The following LOC122539214 variants were observed in gnomAD, a reference collection of about 807,000 sequenced individuals.
the LOC122539214 span, among the ~76,000 whole-genome samples, chr19:52,682,541 C>T: frequency 2.6e-5 from 4 of 152,026 alleles, no homozygotes; most frequent in African/African-American, 9.7e-5. Context: ...CATGGCAGTG[C>T]ATACCTGTAG....
the LOC122539214 span, among the ~76,000 whole-genome samples, chr19:52,673,657 G>GT: frequency 3.9e-5 from 6 of 152,112 alleles, no homozygotes; most frequent in East Asian, 7.7e-4. Flanking sequence ...TTTGTTTTTT[G>GT]TTTTTTCTGG....
the LOC122539214 span, among the ~76,000 whole-genome samples, chr19:52,667,047 T>A: frequency 6.6e-6 from 1 of 152,084 alleles, no homozygotes; most frequent in African/African-American, 2.4e-5. Context: ...CTGAACAAGG[T>A]CTTATTAATA....
the LOC122539214 span, among the ~76,000 whole-genome samples, chr19:52,665,428 A>G: frequency 6.6e-6 from 1 of 152,186 alleles, no homozygotes; most frequent in South Asian, 2.1e-4. Flanking sequence ...GTGATTAAAA[A>G]AAAAAGCACT....
chr19:52,681,437 G>C, the LOC122539214 span, among the ~76,000 whole-genome samples: 2 of 152,132 alleles, frequency 1.3e-5, no homozygotes, highest in Admixed American at 6.6e-5. Flanking sequence ...AGAAAAGAGA[G>C]TAAAGTCCAA....
At chr19:52,653,120 A>T in the LOC122539214 span, 1 of 1,463,186 alleles carries the variant, frequency 6.8e-7, no homozygotes, top group Admixed American at 1.7e-5. Context: ...TTTCGAGCAA[A>T]GGTCTTGCCA....
chr19:52,654,159 C>T, the LOC122539214 span: 7 of 1,604,918 alleles, frequency 4.4e-6, no homozygotes, highest in Middle Eastern at 1.7e-4. Context: ...TTCCAGCATG[C>T]CTTTGATCAC....
chr19:52,653,896 C>T, the LOC122539214 span, among the ~76,000 whole-genome samples: 1 of 152,328 alleles, frequency 6.6e-6, no homozygotes, highest in Non-Finnish European at 1.5e-5. Context: ...ACACTCATTA[C>T]ATTGGAAAGG....
At chr19:52,652,016 CA>C in the LOC122539214 span, 1 of 199,722 alleles carries the variant, frequency 5.0e-6, no homozygotes, top group South Asian at 9.7e-5. Context: ...ACAATTATCT[CA>C]AAAATGAATT....
chr19:52,680,501 A>G, the LOC122539214 span, among the ~76,000 whole-genome samples: 1 of 152,288 alleles, frequency 6.6e-6, no homozygotes, highest in African/African-American at 2.4e-5. Flanking sequence ...AAAAGAGAAA[A>G]TAAGTACTAA....
the LOC122539214 span, among the ~76,000 whole-genome samples, chr19:52,683,958 G>A: frequency 6.6e-6 from 1 of 152,086 alleles, no homozygotes; most frequent in Non-Finnish European, 1.5e-5. Context: ...TTCTGGGCGG[G>A]CACAGTGACT....
chr19:52,665,054 A>G, the LOC122539214 span, among the ~76,000 whole-genome samples: 2 of 152,208 alleles, frequency 1.3e-5, no homozygotes, highest in East Asian at 3.8e-4. Flanking sequence ...TGCGAAATGC[A>G]AAGTCCTGCC....
chr19:52,680,761 C>T, the LOC122539214 span, among the ~76,000 whole-genome samples: 13 of 143,940 alleles, frequency 9.0e-5, no homozygotes, highest in Non-Finnish European at 1.8e-4. Context: ...TACAGGCGCC[C>T]GCCACTACGC....
the LOC122539214 span, among the ~76,000 whole-genome samples, chr19:52,684,738 G>A: frequency 6.6e-6 from 1 of 152,100 alleles, no homozygotes; most frequent in African/African-American, 2.4e-5. Flanking sequence ...GATCATTTAG[G>A]GACATAGGGT....
chr19:52,665,214 A>G, the LOC122539214 span, among the ~76,000 whole-genome samples: 1 of 151,990 alleles, frequency 6.6e-6, no homozygotes, highest in Non-Finnish European at 1.5e-5. Flanking sequence ...TGGGGAGCAG[A>G]GGGCTCAGGC....
At chr19:52,657,507 GAC>G in the LOC122539214 span, among the ~76,000 whole-genome samples, 20,220 of 151,126 alleles carry the variant, frequency 0.13, 1,579 homozygotes, top group East Asian at 0.24. Flanking sequence ...CAGCCTGGGT[GAC>G]AGAGTGAGAC....
the LOC122539214 span, among the ~76,000 whole-genome samples, chr19:52,673,673 G>A: frequency 6.6e-6 from 1 of 152,094 alleles, no homozygotes; most frequent in African/African-American, 2.4e-5. Flanking sequence ...TCTGGAGACA[G>A]AGATCATGCA....
At chr19:52,653,616 C>T in the LOC122539214 span, among the ~76,000 whole-genome samples, 1 of 152,004 alleles carries the variant, frequency 6.6e-6, no homozygotes, top group Non-Finnish European at 1.5e-5. Context: ...GGGATGACGT[C>T]TGACTGAAGG....
At chr19:52,680,675 C>G in the LOC122539214 span, among the ~76,000 whole-genome samples, 18 of 129,926 alleles carry the variant, frequency 1.4e-4, no homozygotes, top group Admixed American at 6.6e-4. Context: ...TGCAGTGGCG[C>G]GATCTCGGCT....
the LOC122539214 span, chr19:52,650,628 T>C: frequency 6.6e-6 from 1 of 152,166 alleles, no homozygotes; most frequent in Non-Finnish European, 1.5e-5. Context: ...CTAATATAAA[T>C]TGTTTATTAG....
Sources: gnomAD v4.1 joint callset for allele counts (sites outside exome capture counted in the v4.1 genomes callset) on GRCh38, gnomAD v4.1.1 for gene constraint, MANE v1.5 for transcripts.